The following DTX1 variants were observed in gnomAD, a reference collection of about 807,000 sequenced individuals.
DTX1 encodes the protein E3 ubiquitin-protein ligase DTX1.
In DTX1, 26 loss-of-function variants were observed where a neutral mutation model predicts 57.8. The ratio of observed to expected loss-of-function variants is 0.45; its 90% CI spans 0.33 to 0.62. DTX1 has a LOEUF of 0.62. DTX1 is among the 20% of genes least tolerant of loss of function. DTX1 has a pLI of 0.02. For synonymous variants in DTX1, 398 were observed against 394.1 expected, an observed-to-expected ratio of 1.01 and a Z score of -0.12; for missense variants, 704 against 895.3, an observed-to-expected ratio of 0.79 and a Z score of 2.73.
chr12:113,086,510 G>A (rs900721084), intron 3 of DTX1, among the ~76,000 whole-genome samples: 1 of 152,192 alleles, frequency 6.6e-6, no homozygotes, highest in African/African-American at 2.4e-5. Context: ...CAGCAGGGCT[G>A]TGTGTTGGGA....
rs538445547 is a variant in DTX1 at position 113,058,131 on chromosome 12, C to G, written c.-62C>G. On this transcript the variant is annotated 5_prime_UTR_variant, in exon 2 of 10. Transcript: ENST00000548759. Reference sequence around the variant, plus strand: ...GAGAGAGGAAGTTGCCGCCTGCTGCCAGGCCCAGGAGGAGCTGGGCCTGCA... The same window carrying G: ...GAGAGAGGAAGTTGCCGCCTGCTGCGAGGCCCAGGAGGAGCTGGGCCTGCA... The G allele has an allele frequency of 8.0e-5, 119 of 1,495,184 alleles. 3 individuals carry two copies. In the South Asian group the frequency reaches 1.4e-3, roughly 18 times the overall value. 92.6% of individuals were successfully genotyped at this position (1,495,184 alleles called of 1,614,324 possible).
chr12:113,091,316 T>TG (rs1393156471), intron 3 of DTX1, among the ~76,000 whole-genome samples: 2 of 152,128 alleles, frequency 1.3e-5, no homozygotes, highest in Non-Finnish European at 2.9e-5. Context: ...TGTATGTTTG[T>TG]GGGGGGCGTG....
intron 2 of DTX1, among the ~76,000 whole-genome samples, chr12:113,061,744 C>T (rs752673841): frequency 6.6e-6 from 1 of 151,980 alleles, no homozygotes; most frequent in African/African-American, 2.4e-5. Context: ...CTCTGTCTCC[C>T]AGGCTAGAGT....
rs561750669 is a variant in DTX1, at chr12:113,091,764, C to T, written c.942-1398C>T. 8.5e-5 allele frequency among the ~76,000 whole-genome samples: 13 copies of T among 152,302 alleles called. No individual in the cohort carries two copies. The South Asian group carries it at 1.7e-3, about 19-fold the overall frequency. On this transcript the variant is annotated intron_variant, in intron 3 of 9. Coordinates refer to ENST00000548759, the MANE Select transcript of DTX1 (RefSeq NM_004416.3). ...AGACAGGCTGTGACCTGAACAGGCA[C>T]GGCCAGAGCCAAGGGGGCTGCTGCA...
Position 113,062,032 on chromosome 12 carries a change from T to TACACACAC in DTX1, c.259+3612_259+3619dup, listed in dbSNP as rs35422556. 7.1e-3 allele frequency among the ~76,000 whole-genome samples: 1,006 copies of TACACACAC among 142,486 alleles called. 10 individuals are homozygous for TACACACAC. The highest frequency in any genetic ancestry group is 0.021 in the Middle Eastern group (6 of 288). The allele number at this position is 142,486 out of a possible 152,430, so 93.5% of individuals were successfully genotyped here. The stretch of plus-strand genomic sequence containing the variant: ...TGAATCTTGAAAATATTATATTTCA[T>TACACACAC]ACACACACACACACACACACACACA... On this transcript the variant is annotated intron_variant, in intron 2 of 9. Coordinates refer to ENST00000548759, the MANE Select transcript of DTX1 (RefSeq NM_004416.3).
At chr12:113,091,010 C>T (rs1732795) in intron 3 of DTX1, among the ~76,000 whole-genome samples, 121,934 of 152,088 alleles carry the variant, frequency 0.8, 48,969 homozygotes, top group Admixed American at 0.84. Context: ...CGCGTGTGGA[C>T]GGCAGGCCGT....
rs1592855807 is a variant in DTX1 at position 113,093,489 on chromosome 12, T to TC, written c.1004-50_1004-49insC. ...GATTCCCAGGGCCAGTGGTCGGGGGTTTGGGCGGGGATGGCGCCCCGCCCT... is the reference window on the plus strand; with the variant it reads ...GATTCCCAGGGCCAGTGGTCGGGGGTCTTGGGCGGGGATGGCGCCCCGCCCT... On this transcript the variant is annotated intron_variant, in intron 4 of 9. Transcript: ENST00000548759. The surrounding 1 kb of genome is among the most constrained non-coding windows in gnomAD (Gnocchi z 4.2). The TC allele has an allele frequency of 4.5e-6, 6 of 1,323,754 alleles. No homozygotes were observed. The East Asian group carries it at 1.8e-4, about 40-fold the overall frequency. The allele number at this position is 1,323,754 out of a possible 1,614,324, so 82.0% of individuals were successfully genotyped here. A position where few individuals can be genotyped will look rare whatever the true frequency, so the allele number is the denominator to read the frequency against.
In DTX1 at chr12:113,096,994, C is replaced by A; in HGVS notation, c.*55C>A. On this transcript the variant is annotated 3_prime_UTR_variant, in exon 10 of 10. Transcript: ENST00000548759. ...TTTGCCCCTGGTCCGGCAAATGCCTCCTTCGCCAGGTGTGTCCTGGTAGCC... is the reference window on the plus strand; with the variant it reads ...TTTGCCCCTGGTCCGGCAAATGCCTACTTCGCCAGGTGTGTCCTGGTAGCC... 6.5e-7 allele frequency: 1 copy of A among 1,528,482 alleles called. No individual in the cohort carries two copies. The highest frequency in any genetic ancestry group is 8.8e-7 in the Non-Finnish European group (1 of 1,137,690). 94.7% of individuals were successfully genotyped at this position (1,528,482 alleles called of 1,614,324 possible). A position where few individuals can be genotyped will look rare whatever the true frequency, so the allele number is the denominator to read the frequency against.
intron 3 of DTX1, among the ~76,000 whole-genome samples, chr12:113,091,266 C>T (rs1950245209): frequency 6.6e-6 from 1 of 152,096 alleles, no homozygotes; most frequent in Admixed American, 6.5e-5. Flanking sequence ...TGTGGGGAGG[C>T]ATTCCCTGGA....
chr12:113,090,273 A>G (rs141608807), intron 3 of DTX1, among the ~76,000 whole-genome samples: 21 of 152,320 alleles, frequency 1.4e-4, no homozygotes, highest in African/African-American at 3.9e-4. Flanking sequence ...AAATGCCTCT[A>G]TGCATTCCTA....
At chr12:113,064,016 G>A (rs1261229097) in intron 2 of DTX1, among the ~76,000 whole-genome samples, 1 of 152,304 alleles carries the variant, frequency 6.6e-6, no homozygotes, top group African/African-American at 2.4e-5. Context: ...CCAGGGCTGA[G>A]AGAACCCCTT....
In DTX1 at chr12:113,078,095, A is replaced by G. The variant is rs1024898552; in HGVS notation, c.931A>G (p.Ile311Val). 1.4e-6 allele frequency: 2 copies of G among 1,386,176 alleles called. No homozygotes were observed. Among genetic ancestry groups the G allele is most frequent in the African/African-American group, 1.5e-5 (1 of 66,006 alleles). The allele number at this position is 1,386,176 out of a possible 1,614,324, so 85.9% of individuals were successfully genotyped here. ...CACCAGCGTGAGCGCGCGCGCCTCCATCCCGCCGGGGTAAGACGGGGCCCA... is the reference window on the plus strand; with the variant it reads ...CACCAGCGTGAGCGCGCGCGCCTCCGTCCCGCCGGGGTAAGACGGGGCCCA... ...RTTSVSARAS[I>V]PPGVPALPVK... Residue 311 changes from isoleucine to valine, a missense_variant, in exon 3 of 10, where the codon ATC (isoleucine) becomes GTC (valine). By Grantham distance (29) the Ile-to-Val change is conservative. This residue lies in a region of DTX1 where 299 missense variants were observed against 311.2 expected (regional missense o/e 0.96). Transcript: ENST00000548759.
At chr12:113,064,962 G>A (rs557070352) in intron 2 of DTX1, among the ~76,000 whole-genome samples, 1 of 152,338 alleles carries the variant, frequency 6.6e-6, no homozygotes, top group East Asian at 1.9e-4. Flanking sequence ...ACACTTACAG[G>A]TGGAGGAAAC....
chr12:113,085,757 A>C (rs905984021), intron 3 of DTX1, among the ~76,000 whole-genome samples: 7 of 152,228 alleles, frequency 4.6e-5, no homozygotes, highest in Non-Finnish European at 1.0e-4. Flanking sequence ...CCCTGGGGAC[A>C]CAGCAGTGAA....
chr12:113,095,130 TC>T lies in DTX1; in HGVS notation c.1480del (p.His494ThrfsTer108). The T allele has an allele frequency of 6.2e-7, 1 of 1,613,570 alleles. No individual in the cohort carries two copies. Among genetic ancestry groups the T allele is most frequent in the Non-Finnish European group, 8.5e-7 (1 of 1,179,612 alleles). On this transcript the variant is annotated frameshift_variant, in exon 8 of 10. Transcript: ENST00000548759. LOFTEE classifies it high-confidence loss of function. The part of the protein sequence containing the change: ...QPPGKMEFHL[I>X]PHSLPGFPDT... ...CCTGGGAAGATGGAGTTCCACCTCA[TC>T]CCCCACTCGCTGCCCGGCTTCCCTG...
intron 2 of DTX1, among the ~76,000 whole-genome samples, chr12:113,075,722 GAAGT>G (rs1287897777): frequency 6.6e-6 from 1 of 152,114 alleles, no homozygotes; most frequent in Non-Finnish European, 1.5e-5. Flanking sequence ...TTTGTTGAAG[GAAGT>G]AACAAATGAA....
chr12:113,060,955 A>C lies in DTX1; in HGVS notation c.259+2504A>C, dbSNP rs140431071. Reference sequence around the variant, plus strand: ...TAGAAGCAGGGACAGACTCCCCACAAGGCTGCCAAGTTGGCAACTTTACCT... The same window carrying C: ...TAGAAGCAGGGACAGACTCCCCACACGGCTGCCAAGTTGGCAACTTTACCT... On this transcript the variant is annotated intron_variant, in intron 2 of 9. Coordinates refer to ENST00000548759, the MANE Select transcript of DTX1 (RefSeq NM_004416.3). 1.1e-3 allele frequency among the ~76,000 whole-genome samples: 175 copies of C among 152,288 alleles called. 2 individuals carry two copies. The East Asian group carries it at 0.031, about 27-fold the overall frequency.
intron 1 of DTX1, among the ~76,000 whole-genome samples, chr12:113,057,201 G>A (rs1356526683): frequency 6.6e-6 from 1 of 152,038 alleles, no homozygotes; most frequent in East Asian, 1.9e-4. Flanking sequence ...AGGGCCCCGG[G>A]GGAAGGGAAG....
chr12:113,081,276 C>T (rs1052393799), intron 3 of DTX1, among the ~76,000 whole-genome samples: 1 of 152,136 alleles, frequency 6.6e-6, no homozygotes, highest in African/African-American at 2.4e-5. Context: ...TTGCAGTGAG[C>T]CGAGATCACG....
Sources: gnomAD v4.1 joint callset for allele counts (sites outside exome capture counted in the v4.1 genomes callset) on GRCh38, gnomAD v4.1.1 for gene constraint, gnomAD v4.1.1 regional missense constraint, Gnocchi (gnomAD v3.1) non-coding constraint, MANE v1.5 for transcripts, NCBI Gene and HGNC (gene_info 2026-07-23, HGNC 2026-07-21) for gene names.